Variants in CDKAL1 observed in about 807,000 individuals in gnomAD.
CDKAL1 encodes CDKAL1 threonylcarbamoyladenosine tRNA methylthiotransferase.
Under a neutral mutation model 68.2 loss-of-function variants are expected in CDKAL1, and 32 were observed. The ratio of observed to expected loss-of-function variants is 0.47; its 90% confidence interval spans 0.35 to 0.63. The LOEUF (loss-of-function observed/expected upper bound fraction) is 0.63. CDKAL1 is among the 30% of genes least tolerant of loss of function. CDKAL1 has a pLI of 0.00. For missense variants in CDKAL1, 606 were observed against 696.7 expected, an observed-to-expected ratio of 0.87 and a Z score of 1.47; for synonymous variants, 234 against 244.3, an observed-to-expected ratio of 0.96 and a Z score of 0.39.
chr6:21,088,744 C>T (rs927715238), intron 12 of CDKAL1, among the ~76,000 whole-genome samples: 1 of 152,020 alleles, frequency 6.6e-6, no homozygotes, highest in East Asian at 1.9e-4. Context: ...GAGTTCAAGA[C>T]CAGTCTGGCC....
chr6:21,013,396 G>T (rs1768126670), intron 11 of CDKAL1, among the ~76,000 whole-genome samples: 1 of 150,770 alleles, frequency 6.6e-6, no homozygotes, highest in Admixed American at 6.6e-5. Flanking sequence ...CATTTATGTG[G>T]GTACATAGTA....
rs1774658058 is a variant in CDKAL1 at position 20,765,452 on chromosome 6, GGC to G, written c.517+6810_517+6811del. Among the ~76,000 whole-genome samples, 2 of 30,088 alleles carry G rather than the reference GGC, an allele frequency of 6.6e-5. 1 individual carries two copies. The highest frequency in any genetic ancestry group is 6.8e-4 in the Admixed American group (2 of 2,960). The allele number at this position is 30,088 out of a possible 152,430, so 19.7% of individuals were successfully genotyped here. On this transcript the variant is annotated intron_variant, in intron 7 of 15. Coordinates refer to ENST00000274695, the MANE Select transcript of CDKAL1 (RefSeq NM_017774.3). ...ATTACAGGCGTGAGCCACCGCGCCC[GGC>G]CGGTTACATTCTTAAATGCACTCAG...
intron 4 of CDKAL1, among the ~76,000 whole-genome samples, chr6:20,644,441 G>C (rs1189148890): frequency 6.6e-6 from 1 of 152,132 alleles, no homozygotes; most frequent in African/African-American, 2.4e-5. Context: ...ACTTTGGAAG[G>C]CTGAGGTGGG....
At chr6:21,168,027 G>T in intron 13 of CDKAL1, among the ~76,000 whole-genome samples, 1 of 152,204 alleles carries the variant, frequency 6.6e-6, no homozygotes, top group East Asian at 1.9e-4. Context: ...CTGAGGAATG[G>T]TTAAGTTATG....
intron 9 of CDKAL1, among the ~76,000 whole-genome samples, chr6:20,888,675 C>A (rs1425490012): frequency 6.6e-6 from 1 of 151,534 alleles, no homozygotes; most frequent in Non-Finnish European, 1.5e-5. Flanking sequence ...CCAGTTTCAT[C>A]CATGTCCCTA....
chr6:20,902,511 G>T (rs1350903202), intron 9 of CDKAL1, among the ~76,000 whole-genome samples: 1 of 152,124 alleles, frequency 6.6e-6, no homozygotes. Context: ...AAGTTCTGGA[G>T]TTCCAGTTTG....
intron 8 of CDKAL1, among the ~76,000 whole-genome samples, chr6:20,815,595 G>C (rs1481962709): frequency 1.4e-5 from 2 of 147,876 alleles, no homozygotes; most frequent in Non-Finnish European, 3.0e-5. Context: ...TTTGCTTCCT[G>C]ATTAGTTTAA....
At chr6:20,963,095 T>C (rs1055243012) in intron 10 of CDKAL1, among the ~76,000 whole-genome samples, 2 of 152,320 alleles carry the variant, frequency 1.3e-5, no homozygotes, top group South Asian at 2.1e-4. Context: ...GGGAACCTAA[T>C]TCTGAGAGCT....
intron 15 of CDKAL1, among the ~76,000 whole-genome samples, chr6:21,211,108 T>C (rs562391760): frequency 1.3e-5 from 2 of 152,346 alleles, no homozygotes; most frequent in South Asian, 2.1e-4. Flanking sequence ...GAGAGGGTTT[T>C]CAGACAACTT....
At chr6:20,999,356 A>G (rs1767297297) in intron 10 of CDKAL1, among the ~76,000 whole-genome samples, 1 of 151,684 alleles carries the variant, frequency 6.6e-6, no homozygotes, top group Non-Finnish European at 1.5e-5. Flanking sequence ...CACATTAGTC[A>G]TCTTACCTAA....
intron 11 of CDKAL1, among the ~76,000 whole-genome samples, chr6:21,016,136 ATGTG>A (rs1768315632): frequency 1.4e-5 from 2 of 142,392 alleles, no homozygotes; most frequent in East Asian, 2.1e-4. Flanking sequence ...AGTCATATAT[ATGTG>A]TATATATATG....
At chr6:21,102,979 TGA>T (rs1773656896) in intron 12 of CDKAL1, among the ~76,000 whole-genome samples, 1 of 152,232 alleles carries the variant, frequency 6.6e-6, no homozygotes, top group South Asian at 2.1e-4. Context: ...CCACGAAGTA[TGA>T]TGAAGGCTTG....
At chr6:20,581,918 A>G (rs1481455659) in intron 4 of CDKAL1, among the ~76,000 whole-genome samples, 1 of 152,198 alleles carries the variant, frequency 6.6e-6, no homozygotes, top group Non-Finnish European at 1.5e-5. Flanking sequence ...AACAAGGTAC[A>G]TACAATGCTG....
intron 9 of CDKAL1, among the ~76,000 whole-genome samples, chr6:20,850,086 A>G (rs2150502638): frequency 6.6e-6 from 1 of 152,320 alleles, no homozygotes; most frequent in Non-Finnish European, 1.5e-5. Flanking sequence ...TGATAGGAAT[A>G]TTCTTTGGAC....
Position 20,739,620 on chromosome 6 carries a change from G to A in CDKAL1, c.468+5G>A, listed in dbSNP as rs1196105954. The stretch of plus-strand genomic sequence containing the variant: ...AAGGGACTGAGTATCATTGGGGTAA[G>A]CTTGTACCTGATGCAAAAAGAGAAA... On this transcript the variant is annotated splice_donor_5th_base_variant and intron_variant, in intron 6 of 15. Transcript: ENST00000274695. 1 of 1,547,480 alleles carries A rather than the reference G, an allele frequency of 6.5e-7. No homozygotes were observed. Among genetic ancestry groups the A allele is most frequent in the South Asian group, 1.2e-5 (1 of 85,862 alleles).
intron 15 of CDKAL1, among the ~76,000 whole-genome samples, chr6:21,202,704 T>C (rs1778739670): frequency 2.0e-5 from 3 of 152,192 alleles, no homozygotes; most frequent in Admixed American, 2.0e-4. Flanking sequence ...AAGGGAGTAT[T>C]GTAAACATCA....
At chr6:20,681,895 A>C (rs755881559) in intron 5 of CDKAL1, among the ~76,000 whole-genome samples, 2 of 152,178 alleles carry the variant, frequency 1.3e-5, no homozygotes, top group Admixed American at 6.5e-5. Context: ...TAATTCTCAC[A>C]ATACTGGAGG....
chr6:20,792,645 C>T (rs1338539983), intron 8 of CDKAL1, among the ~76,000 whole-genome samples: 1 of 152,114 alleles, frequency 6.6e-6, no homozygotes, highest in Non-Finnish European at 1.5e-5. Flanking sequence ...TTATTTAGGA[C>T]CAGGAGCCCC....
At chr6:21,183,456 G>A (rs999712295) in intron 13 of CDKAL1, among the ~76,000 whole-genome samples, 11 of 152,110 alleles carry the variant, frequency 7.2e-5, no homozygotes, top group East Asian at 1.9e-4. Flanking sequence ...TAAGTAACTA[G>A]TCACATATCC....
Sources: gnomAD v4.1 joint callset for allele counts (sites outside exome capture counted in the v4.1 genomes callset) on GRCh38, gnomAD v4.1.1 for gene constraint, MANE v1.5 for transcripts, NCBI Gene and HGNC (gene_info 2026-07-23, HGNC 2026-07-21) for gene names.